Variants in MCUB observed in about 807,000 individuals in gnomAD.
MCUB encodes the protein calcium uniporter regulatory subunit MCUb, mitochondrial.
MCUB carries 46 observed loss-of-function variants against 41.4 expected under a neutral mutation model. That is an observed-to-expected ratio of 1.11 (90% CI 0.88 to 1.42). The LOEUF is 1.42. Ranked by LOEUF, MCUB falls within the 40% of genes most tolerant of loss-of-function variation. MCUB has a pLI of 0.00. For synonymous variants in MCUB, 148 were observed against 148.2 expected (o/e 1.00, Z 0.01); for missense variants, 403 against 404.9 (o/e 1.00, Z 0.04).
chr4:109,561,335 T>C (rs1294083114), intron 1 of MCUB, among the ~76,000 whole-genome samples: 5 of 152,242 alleles, frequency 3.3e-5, no homozygotes, highest in Non-Finnish European at 7.3e-5. Context: ...AGTGTGATTC[T>C]CTTGTCACTT....
chr4:109,642,942 C>A (rs559999006), intron 1 of MCUB, among the ~76,000 whole-genome samples: 98 of 133,988 alleles, frequency 7.3e-4, no homozygotes, highest in African/African-American at 2.6e-3. Context: ...ATCACCCGGG[C>A]TGGAGTGCAA....
intron 1 of MCUB, among the ~76,000 whole-genome samples, chr4:109,588,978 GA>G (rs200690120): frequency 6.6e-6 from 1 of 150,382 alleles, no homozygotes; most frequent in African/African-American, 2.4e-5. Context: ...AGAAAATTCT[GA>G]AAAAAAAATA....
At chr4:109,567,131 C>CAAAA (rs397994929) in intron 1 of MCUB, among the ~76,000 whole-genome samples, 2 of 55,976 alleles carry the variant, frequency 3.6e-5, no homozygotes, top group African/African-American at 5.6e-5. Context: ...GACTCCATCT[C>CAAAA]AAAAAAAAAA....
Position 109,687,540 on chromosome 4 carries a change from G to A in MCUB, c.959G>A (p.Arg320His), listed in dbSNP as rs144584495. The A allele has an allele frequency of 3.9e-4, 626 of 1,612,514 alleles. 1 individual carries two copies. The highest frequency in any genetic ancestry group is 1.4e-3 in the East Asian group (64 of 44,862). ...AKAKESLKQA[R>H]HSLCLQMQVE... ...GCTAAAGAATCCCTGAAACAGGCGC[G>A]TCATTCTCTCTGTTTGCAAATGCAA... The change falls in exon 8 of 8, where the codon CGT (arginine) becomes CAT (histidine). Residue 320 changes from arginine (R) to histidine (H), a missense_variant. Coordinates refer to ENST00000394650, the MANE Select transcript of MCUB (RefSeq NM_017918.5).
chr4:109,597,348 G>A (rs1727584435), intron 1 of MCUB, among the ~76,000 whole-genome samples: 1 of 151,334 alleles, frequency 6.6e-6, no homozygotes, highest in Non-Finnish European at 1.5e-5. Context: ...CGGGGCGGCT[G>A]GCCGGGCGGG....
At position 109,664,891 on chromosome 4, in the gene MCUB, G is replaced by A. The variant is rs80089274; in HGVS notation, c.451+497G>A. 3.5e-3 allele frequency among the ~76,000 whole-genome samples: 531 copies of A among 152,026 alleles called. 3 individuals are homozygous for A. Among genetic ancestry groups the A allele is most frequent in the Middle Eastern group, 6.8e-3 (2 of 294 alleles). On this transcript the variant is annotated intron_variant, in intron 4 of 7. Coordinates refer to ENST00000394650, the MANE Select transcript of MCUB (RefSeq NM_017918.5). ...CATTATTGGGTTAAGAGAGAGGTAGGCCTGAAAATCAAGAATTCAAGTATA... is the reference window on the plus strand; with the variant it reads ...CATTATTGGGTTAAGAGAGAGGTAGACCTGAAAATCAAGAATTCAAGTATA...
intron 1 of MCUB, among the ~76,000 whole-genome samples, chr4:109,580,144 C>T (rs1261559536): frequency 6.6e-6 from 1 of 152,160 alleles, no homozygotes; most frequent in Non-Finnish European, 1.5e-5. Context: ...GTTTTCTGTC[C>T]TTGCAATAGT....
At chr4:109,575,630 C>T (rs980337815) in intron 1 of MCUB, among the ~76,000 whole-genome samples, 4 of 152,146 alleles carry the variant, frequency 2.6e-5, no homozygotes, top group Non-Finnish European at 1.5e-5. Flanking sequence ...AGTTGTTATG[C>T]CTGCAATTAT....
At chr4:109,682,021 A>G (rs1729728392) in intron 4 of MCUB, among the ~76,000 whole-genome samples, 1 of 152,216 alleles carries the variant, frequency 6.6e-6, no homozygotes, top group Admixed American at 6.5e-5. Context: ...GCAATAGATG[A>G]TCGGCTATTT....
chr4:109,587,684 T>A (rs1433382282), intron 1 of MCUB, among the ~76,000 whole-genome samples: 1 of 152,190 alleles, frequency 6.6e-6, no homozygotes. Flanking sequence ...AAAAAAAGGT[T>A]CTAGATTTTA....
intron 1 of MCUB, among the ~76,000 whole-genome samples, chr4:109,643,967 T>A (rs1728775435): frequency 6.6e-6 from 1 of 152,098 alleles, no homozygotes; most frequent in Admixed American, 6.5e-5. Context: ...AGTAAAAAAA[T>A]GTTAAACAAG....
At chr4:109,562,469 G>T (rs975612248) in intron 1 of MCUB, among the ~76,000 whole-genome samples, 2 of 152,154 alleles carry the variant, frequency 1.3e-5, no homozygotes, top group Admixed American at 6.5e-5. Flanking sequence ...GTTTTAGCTA[G>T]GACTACTAAA....
chr4:109,626,530 G>A lies in MCUB; in HGVS notation c.100-32481G>A, dbSNP rs770275715. Among the ~76,000 whole-genome samples the A allele has an allele frequency of 1.1e-3, 165 of 151,884 alleles. 1 individual carries two copies. The highest frequency in any genetic ancestry group is 2.2e-3 in the Admixed American group (34 of 15,238). On this transcript the variant is annotated intron_variant, in intron 1 of 7. Transcript: ENST00000394650. ...TTTTTTTTAATTAAAAAGAAATCCT[G>A]GGCCAGGCGCAGTGGCTCATGCCTG... is the stretch of plus-strand genomic sequence containing the variant.
chr4:109,587,524 T>C (rs1404475844), intron 1 of MCUB, among the ~76,000 whole-genome samples: 1 of 152,192 alleles, frequency 6.6e-6, no homozygotes, highest in African/African-American at 2.4e-5. Flanking sequence ...AATGCAGAAA[T>C]CACCCGTCTT....
At chr4:109,638,682 T>G (rs549419182) in intron 1 of MCUB, among the ~76,000 whole-genome samples, 34 of 152,300 alleles carry the variant, frequency 2.2e-4, no homozygotes, top group South Asian at 6.2e-4. Flanking sequence ...TTTGATAACA[T>G]TTTACCCATA....
At chr4:109,599,972 G>A (rs952100836) in intron 1 of MCUB, among the ~76,000 whole-genome samples, 2 of 152,122 alleles carry the variant, frequency 1.3e-5, no homozygotes, top group Non-Finnish European at 2.9e-5. Flanking sequence ...ACCCCATGTT[G>A]ATATTTAGAG....
At chr4:109,655,474 C>T (rs1729070516) in intron 1 of MCUB, among the ~76,000 whole-genome samples, 1 of 152,142 alleles carries the variant, frequency 6.6e-6, no homozygotes, top group African/African-American at 2.4e-5. Flanking sequence ...ATCTTTCTAG[C>T]AACCAGCCCC....
At chr4:109,633,334 C>G (rs942540380) in intron 1 of MCUB, among the ~76,000 whole-genome samples, 2 of 151,992 alleles carry the variant, frequency 1.3e-5, no homozygotes, top group Admixed American at 1.3e-4. Context: ...GTGGCGCGAT[C>G]TCGGCTCACT....
intron 1 of MCUB, among the ~76,000 whole-genome samples, chr4:109,621,721 G>T (rs1728253772): frequency 6.6e-6 from 1 of 152,080 alleles, no homozygotes; most frequent in South Asian, 2.1e-4. Flanking sequence ...TTATTATTTT[G>T]TTCTTGTTCC....
Sources: allele counts gnomAD v4.1 joint callset (sites outside exome capture counted in the v4.1 genomes callset), GRCh38; gene constraint gnomAD v4.1.1; transcripts MANE v1.5; gene names NCBI Gene and HGNC (gene_info 2026-07-23, HGNC 2026-07-21).